The following MED27 variants were observed in gnomAD, a reference collection of about 807,000 sequenced individuals.
The protein encoded by MED27 is mediator complex subunit 27.
In MED27, 30 loss-of-function variants were observed where a neutral mutation model predicts 38.2. The observed-to-expected ratio is 0.79, with a 90% CI of 0.59 to 1.07. MED27 has a LOEUF of 1.07. Among genes scored for constraint, MED27 ranks in the 50% least tolerant of loss-of-function variants. MED27 has a pLI of 0.00. For synonymous variants in MED27, 122 were observed against 153.5 expected (o/e 0.79, Z 1.52); for missense variants, 289 against 397.5 (o/e 0.73, Z 2.32).
At chr9:132,025,086 C>T (rs1036918008) in intron 2 of MED27, among the ~76,000 whole-genome samples, 4 of 150,792 alleles carry the variant, frequency 2.7e-5, no homozygotes, top group East Asian at 1.9e-4. Context: ...TACAGGACTA[C>T]GGCTTTTCCC....
intron 2 of MED27, among the ~76,000 whole-genome samples, chr9:132,026,832 G>A (rs1011171409): frequency 5.9e-5 from 9 of 152,110 alleles, no homozygotes; most frequent in African/African-American, 2.4e-5. Flanking sequence ...TATGAACCAG[G>A]TGCTATTCTA....
At chr9:132,035,985 A>C (rs1833067571) in intron 2 of MED27, among the ~76,000 whole-genome samples, 2 of 152,046 alleles carry the variant, frequency 1.3e-5, no homozygotes, top group South Asian at 2.1e-4. Context: ...CAAAAACACA[A>C]AAAAAACCCC....
intron 2 of MED27, among the ~76,000 whole-genome samples, chr9:132,030,414 AAG>A (rs202012004): frequency 0.016 from 2,437 of 152,322 alleles, 55 homozygotes; most frequent in African/African-American, 0.05. Context: ...ACTGCTGAGA[AAG>A]AGGTTTTTAA....
intron 3 of MED27, among the ~76,000 whole-genome samples, chr9:131,988,346 G>A (rs1831898786): frequency 6.6e-6 from 1 of 152,172 alleles, no homozygotes; most frequent in Admixed American, 6.5e-5. Flanking sequence ...GCCATTTATA[G>A]CTGACCCTTG....
At chr9:132,035,995 C>T (rs1471230857) in intron 2 of MED27, among the ~76,000 whole-genome samples, 1 of 151,990 alleles carries the variant, frequency 6.6e-6, no homozygotes, top group Non-Finnish European at 1.5e-5. Context: ...AAAAAAACCC[C>T]AAGACCACAG....
At position 131,939,382 on chromosome 9, in the gene MED27, A is replaced by G; in HGVS notation, c.572T>C (p.Leu191Pro). 1 of 1,602,658 alleles carries G rather than the reference A, an allele frequency of 6.2e-7. No individual in the cohort carries two copies. Among genetic ancestry groups the G allele is most frequent in the South Asian group, 1.1e-5 (1 of 88,904 alleles). ...SRPNGTSAML[L>P]VTLGKVLKVI... ...ACAAATCAGTCAAGCTGATCTTACC[A>G]GAAGCATTGCTGATGTTCCATTGGG... Residue 191 changes from leucine to proline, a missense_variant and splice_region_variant, in exon 4 of 8, where the codon CTG becomes CCG. Physicochemically the swap from Leu to Pro is moderately conservative, Grantham distance 98. Transcript: ENST00000292035.
chr9:131,896,248 T>C (rs1704047070), intron 4 of MED27, among the ~76,000 whole-genome samples: 1 of 152,174 alleles, frequency 6.6e-6, no homozygotes, highest in African/African-American at 2.4e-5. Flanking sequence ...ACCTTCTCAC[T>C]AGGCTAAAGT....
chr9:131,940,375 C>T (rs1214957038), intron 3 of MED27, among the ~76,000 whole-genome samples: 1 of 152,146 alleles, frequency 6.6e-6, no homozygotes, highest in Admixed American at 6.5e-5. Context: ...CATTTATTTA[C>T]TTATACAGCT....
chr9:131,933,537 C>A (rs1830629743), intron 4 of MED27, among the ~76,000 whole-genome samples: 1 of 151,758 alleles, frequency 6.6e-6, no homozygotes, highest in South Asian at 2.1e-4. Flanking sequence ...TGGAATCAAC[C>A]AAAGAAACAG....
chr9:132,028,057 G>A (rs920541313), intron 2 of MED27, among the ~76,000 whole-genome samples: 2 of 152,124 alleles, frequency 1.3e-5, no homozygotes. Flanking sequence ...ACGTGCTCCG[G>A]CCCCAGCTCC....
At chr9:131,958,085 C>T (rs1224723138) in intron 3 of MED27, among the ~76,000 whole-genome samples, 2 of 152,000 alleles carry the variant, frequency 1.3e-5, no homozygotes, top group African/African-American at 4.8e-5. Flanking sequence ...TTTGTCAAAA[C>T]TCATTGAACT....
chr9:131,860,514 C>G lies in MED27; in HGVS notation c.*24G>C, dbSNP rs974537459. 20 of 1,496,836 alleles carry G rather than the reference C, an allele frequency of 1.3e-5. No homozygotes were observed. Among genetic ancestry groups the G allele is most frequent in the Non-Finnish European group, 1.8e-5 (20 of 1,123,284 alleles). The allele number at this position is 1,496,836 out of a possible 1,614,324, so 92.7% of individuals were successfully genotyped here. ...TGTCTGGGAAGGTGCTGGGTGGGGTCTGAGGCTGGGGCCAGCGTGGGGGCT... is the reference window on the plus strand; with the variant it reads ...TGTCTGGGAAGGTGCTGGGTGGGGTGTGAGGCTGGGGCCAGCGTGGGGGCT... On this transcript the variant is annotated 3_prime_UTR_variant, in exon 8 of 8. Coordinates refer to ENST00000292035, the MANE Select transcript of MED27 (RefSeq NM_004269.4). The surrounding 1 kb of genome is among the most constrained non-coding windows in gnomAD (Gnocchi z 5.8).
intron 2 of MED27, among the ~76,000 whole-genome samples, chr9:132,076,746 C>T (rs765613205): frequency 9.2e-5 from 14 of 152,322 alleles, no homozygotes; most frequent in African/African-American, 9.6e-5. Flanking sequence ...CGCCACACCA[C>T]ATAGCACCCA....
intron 2 of MED27, among the ~76,000 whole-genome samples, chr9:132,042,657 T>C (rs1271437448): frequency 6.6e-6 from 1 of 152,238 alleles, no homozygotes; most frequent in African/African-American, 2.4e-5. Flanking sequence ...GAGTGGACCC[T>C]GCTGCACACA....
intron 4 of MED27, among the ~76,000 whole-genome samples, chr9:131,931,511 A>G (rs984593248): frequency 6.6e-6 from 1 of 152,186 alleles, no homozygotes; most frequent in Non-Finnish European, 1.5e-5. Flanking sequence ...ACTGAGTATA[A>G]GTGAACTAAC....
chr9:131,966,173 G>A (rs1262091158), intron 3 of MED27, among the ~76,000 whole-genome samples: 1 of 131,306 alleles, frequency 7.6e-6, no homozygotes, highest in Non-Finnish European at 1.6e-5. Context: ...GATCAGTCTG[G>A]GAAACACAGT....
chr9:131,966,402 G>GAAA (rs1831350646), intron 3 of MED27, among the ~76,000 whole-genome samples: 1 of 49,062 alleles, frequency 2.0e-5, no homozygotes, highest in Non-Finnish European at 4.1e-5. Flanking sequence ...AAAAAAAAAG[G>GAAA]AAAGGAAAGG....
intron 3 of MED27, among the ~76,000 whole-genome samples, chr9:132,000,577 A>G (rs923158831): frequency 6.6e-6 from 1 of 152,188 alleles, no homozygotes. Flanking sequence ...GGCTTTATTA[A>G]TAGCCAAAAC....
intron 3 of MED27, among the ~76,000 whole-genome samples, chr9:131,951,944 A>C (rs1831006856): frequency 6.6e-6 from 1 of 152,194 alleles, no homozygotes; most frequent in Non-Finnish European, 1.5e-5. Context: ...TTTTCTAAGA[A>C]GGCCAACGAG....
Sources: gnomAD v4.1 joint callset for allele counts (sites outside exome capture counted in the v4.1 genomes callset) on GRCh38, gnomAD v4.1.1 for gene constraint, Gnocchi (gnomAD v3.1) non-coding constraint, MANE v1.5 for transcripts, NCBI Gene and HGNC (gene_info 2026-07-23, HGNC 2026-07-21) for gene names.